The following CTNNA3 variants were observed in gnomAD, a reference collection of about 807,000 sequenced individuals.
The protein encoded by CTNNA3 is catenin alpha 3.
Under a neutral mutation model 95.7 loss-of-function variants are expected in CTNNA3, and 76 were observed. The observed-to-expected ratio is 0.79, with a 90% CI of 0.66 to 0.96. The LOEUF is 0.96. Among genes scored for constraint, CTNNA3 ranks in the 40% least tolerant of loss-of-function variants. CTNNA3 has a pLI of 0.00. For missense variants in CTNNA3, 1,191 were observed against 1,089.8 expected (o/e 1.09, Z -1.31); for synonymous variants, 431 against 374.4 (o/e 1.15, Z -1.74).
chr10:67,160,627 G>A (rs568524680), intron 7 of CTNNA3, among the ~76,000 whole-genome samples: 1 of 151,886 alleles, frequency 6.6e-6, no homozygotes, highest in South Asian at 2.1e-4. Flanking sequence ...TGTAGAAACG[G>A]GGTTTTGCCA....
intron 11 of CTNNA3, among the ~76,000 whole-genome samples, chr10:66,477,713 A>C (rs1839376530): frequency 6.6e-6 from 1 of 152,070 alleles, no homozygotes; most frequent in Non-Finnish European, 1.5e-5. Context: ...TCTTAGGGCA[A>C]TACAAACTAT....
At chr10:67,344,120 TTGATA>T (rs1309518894) in intron 5 of CTNNA3, among the ~76,000 whole-genome samples, 1 of 151,924 alleles carries the variant, frequency 6.6e-6, no homozygotes, top group African/African-American at 2.4e-5. Context: ...CTTCATTCTG[TTGATA>T]TGATATATCA....
chr10:66,361,101 C>T (rs1249796594), intron 12 of CTNNA3, among the ~76,000 whole-genome samples: 3 of 150,232 alleles, frequency 2.0e-5, no homozygotes, highest in Non-Finnish European at 4.4e-5. Flanking sequence ...GGACTGCAGG[C>T]ATGCACCTTC....
chr10:67,722,966 A>T (rs1841188519), intron 1 of CTNNA3, among the ~76,000 whole-genome samples: 1 of 151,138 alleles, frequency 6.6e-6, no homozygotes, highest in Non-Finnish European at 1.5e-5. Context: ...ATGGAGAATA[A>T]CAATTATATC....
intron 5 of CTNNA3, among the ~76,000 whole-genome samples, chr10:67,398,660 C>T (rs1244929661): frequency 6.6e-6 from 1 of 151,976 alleles, no homozygotes; most frequent in African/African-American, 2.4e-5. Context: ...TGGCTGTGTC[C>T]CTACCCAAAT....
chr10:66,692,440 C>G (rs569988471), intron 9 of CTNNA3, among the ~76,000 whole-genome samples: 10 of 152,236 alleles, frequency 6.6e-5, no homozygotes, highest in African/African-American at 2.4e-4. Flanking sequence ...CGAACAAAGC[C>G]TCCAAGAAAT....
intron 7 of CTNNA3, among the ~76,000 whole-genome samples, chr10:66,788,778 C>T (rs969746826): frequency 6.6e-6 from 1 of 151,926 alleles, no homozygotes; most frequent in East Asian, 1.9e-4. Context: ...TACTGGCGAG[C>T]ACTGAAGGAA....
At chr10:67,127,725 T>G (rs1859785225) in intron 7 of CTNNA3, among the ~76,000 whole-genome samples, 1 of 152,178 alleles carries the variant, frequency 6.6e-6, no homozygotes, top group Non-Finnish European at 1.5e-5. Context: ...CAGTCTCTCC[T>G]TAGGACCTAA....
At chr10:66,745,587 CT>C (rs368932444) in intron 9 of CTNNA3, among the ~76,000 whole-genome samples, 8,253 of 109,380 alleles carry the variant, frequency 0.075, 176 homozygotes, top group East Asian at 0.21. Flanking sequence ...TGCAGACAGC[CT>C]TTTTTTTTTT....
intron 13 of CTNNA3, among the ~76,000 whole-genome samples, chr10:66,122,136 TAGAG>T (rs1205171009): frequency 6.6e-6 from 1 of 151,890 alleles, no homozygotes; most frequent in African/African-American, 2.4e-5. Flanking sequence ...GTAATATAAA[TAGAG>T]AGATGAAAAC....
In CTNNA3 at chr10:66,831,737, AGGAAAG is replaced by A. The variant is rs879342131; in HGVS notation, c.1048-56219_1048-56214del. Among the ~76,000 whole-genome samples, 752 of 152,316 alleles carry A rather than the reference AGGAAAG, an allele frequency of 4.9e-3. 4 individuals are homozygous for A. Among genetic ancestry groups the A allele is most frequent in the Admixed American group, 7.9e-3 (121 of 15,306 alleles). On this transcript the variant is annotated intron_variant, in intron 7 of 17. Coordinates refer to ENST00000433211, the MANE Select transcript of CTNNA3 (RefSeq NM_013266.4). Reference sequence around the variant, plus strand: ...TGAGATGCAGGAAAGCAGAGGAGAGAGGAAAGGGAAAGAGGGAAGAAGGGAGAGAAG... The same window carrying A: ...TGAGATGCAGGAAAGCAGAGGAGAGAGGAAAGAGGGAAGAAGGGAGAGAAG...
intron 4 of CTNNA3, among the ~76,000 whole-genome samples, chr10:67,535,796 T>C (rs1350417841): frequency 7.1e-6 from 1 of 139,954 alleles, no homozygotes; most frequent in Non-Finnish European, 1.5e-5. Context: ...AAATTCAGTC[T>C]GATCCTCTGC....
At position 67,088,717 on chromosome 10, in the gene CTNNA3, C is replaced by T. The variant is rs906239265; in HGVS notation, c.1047+91600G>A. Among the ~76,000 whole-genome samples, 3 of 151,872 alleles carry T rather than the reference C, an allele frequency of 2.0e-5. No individual in the cohort carries two copies. The East Asian group carries it at 5.8e-4, about 29-fold the overall frequency. On this transcript the variant is annotated intron_variant, in intron 7 of 17. Transcript: ENST00000433211. ...GGATTTCACTATAATGAAGTTTTTG[C>T]ACAAATACCACTAAAAGAATTATTA... is the stretch of plus-strand genomic sequence containing the variant.
intron 5 of CTNNA3, among the ~76,000 whole-genome samples, chr10:67,330,404 C>T (rs531434466): frequency 4.6e-5 from 7 of 152,262 alleles, no homozygotes; most frequent in African/African-American, 1.4e-4. Flanking sequence ...ATGGAGATAA[C>T]AGTAAGATCT....
chr10:66,603,192 G>A (rs1272134293), intron 10 of CTNNA3, among the ~76,000 whole-genome samples: 2 of 151,928 alleles, frequency 1.3e-5, no homozygotes, highest in Non-Finnish European at 2.9e-5. Flanking sequence ...ATTTAGAAAG[G>A]CCTATTATAC....
At chr10:66,606,508 C>G (rs573314092) in intron 10 of CTNNA3, among the ~76,000 whole-genome samples, 57 of 152,162 alleles carry the variant, frequency 3.7e-4, no homozygotes, top group African/African-American at 1.4e-3. Context: ...ATAAATCATA[C>G]AATCAGACAT....
At chr10:66,845,729 A>AAAAAAAATAAAAAAAAAAAAC in intron 7 of CTNNA3, among the ~76,000 whole-genome samples, 1 of 87,736 alleles carries the variant, frequency 1.1e-5, no homozygotes, top group Non-Finnish European at 2.6e-5. Flanking sequence ...AAAAAAAAAA[A>AAAAAAAATAAAAAAAAAAAAC]CTAAAAAGGT....
intron 10 of CTNNA3, among the ~76,000 whole-genome samples, chr10:66,574,623 T>G (rs1203101724): frequency 6.8e-6 from 1 of 148,072 alleles, no homozygotes; most frequent in African/African-American, 2.5e-5. Flanking sequence ...ACAAAGGTTG[T>G]TTTTTTTTCC....
chr10:66,575,619 G>C (rs1842982438), intron 10 of CTNNA3, among the ~76,000 whole-genome samples: 1 of 152,108 alleles, frequency 6.6e-6, no homozygotes, highest in Non-Finnish European at 1.5e-5. Flanking sequence ...CCTACAGCTG[G>C]TGGGAGACAG....
Sources: allele counts gnomAD v4.1 joint callset (sites outside exome capture counted in the v4.1 genomes callset), GRCh38; gene constraint gnomAD v4.1.1; transcripts MANE v1.5; gene names NCBI Gene and HGNC (gene_info 2026-07-23, HGNC 2026-07-21).